The following ACAD10 variants were observed in gnomAD, a reference collection of about 807,000 sequenced individuals.
The protein encoded by ACAD10 is acyl-CoA dehydrogenase family member 10.
Under a neutral mutation model 116.8 loss-of-function variants are expected in ACAD10, and 112 were observed. The ratio of observed to expected loss-of-function variants is 0.96; its 90% CI spans 0.82 to 1.12. The LOEUF (loss-of-function observed/expected upper bound fraction) is 1.12. Among genes scored for constraint, ACAD10 ranks in the 50% most tolerant of loss-of-function variants. The pLI is 0.00. For synonymous variants in ACAD10, 486 were observed against 510.6 expected, an observed-to-expected ratio of 0.95 and a Z score of 0.65; for missense variants, 1,259 against 1,350.2, an observed-to-expected ratio of 0.93 and a Z score of 1.06.
At position 111,705,442 on chromosome 12, in the gene ACAD10, C is replaced by T. The variant is rs1326871839; in HGVS notation, c.337-296C>T. On this transcript the variant is annotated intron_variant, in intron 3 of 20. Coordinates refer to ENST00000313698, the MANE Select transcript of ACAD10 (RefSeq NM_025247.6). Reference sequence around the variant, plus strand: ...CTCACTTTGTTGCCCAGGCTGGTGTCAAAATCCTGAGCTCAAGCAGTCTTC... The same window carrying T: ...CTCACTTTGTTGCCCAGGCTGGTGTTAAAATCCTGAGCTCAAGCAGTCTTC... Among the ~76,000 whole-genome samples the T allele has an allele frequency of 2.0e-5, 3 of 152,060 alleles. No individual in the cohort carries two copies. In the East Asian group the frequency reaches 5.8e-4, roughly 29 times the overall value.
At chr12:111,749,130 A>G in intron 17 of ACAD10, 43 bp from the exon 18 acceptor site, 6 of 1,613,880 alleles carry the variant, frequency 3.7e-6, no homozygotes, top group South Asian at 1.1e-5. Context: ...TCCAAGGAAA[A>G]TGACTATGGC....
At chr12:111,749,395 G>C (rs1357323429) in intron 18 of ACAD10, 50 bp downstream of exon 18, 10 of 1,572,032 alleles carry the variant, frequency 6.4e-6, no homozygotes, top group Non-Finnish European at 8.6e-7. Flanking sequence ...ACCACCTTCT[G>C]CTTTGCTGTC....
chr12:111,742,863 C>T (rs74984793), intron 12 of ACAD10, among the ~76,000 whole-genome samples: 102 of 152,182 alleles, frequency 6.7e-4, no homozygotes, highest in East Asian at 3.1e-3. Context: ...GCGTGCATCA[C>T]CACACCTGGC....
intron 7 of ACAD10, among the ~76,000 whole-genome samples, chr12:111,718,036 CTTTTTTTTTTTTTTT>C (rs560344796): frequency 2.7e-4 from 17 of 63,684 alleles, no homozygotes; most frequent in African/African-American, 7.4e-4. Flanking sequence ...TAGTGATATC[CTTTTTTTTTTTTTTT>C]TTTTTTTTTT....
chr12:111,748,244 C>A (rs1889971145), intron 16 of ACAD10, 73 bp from the exon 17 acceptor site: 8 of 1,581,830 alleles, frequency 5.1e-6, no homozygotes, highest in Non-Finnish European at 6.9e-6. Flanking sequence ...TTTCTTGGGC[C>A]AGGACCACGT....
chr12:111,743,986 G>A (rs1186977494), intron 12 of ACAD10, among the ~76,000 whole-genome samples: 1 of 151,810 alleles, frequency 6.6e-6, no homozygotes, highest in Non-Finnish European at 1.5e-5. Flanking sequence ...GACCTCAAGT[G>A]ATCCGCCCAC....
At chr12:111,715,089 T>G (rs1343885456) in intron 6 of ACAD10, among the ~76,000 whole-genome samples, 2 of 152,182 alleles carry the variant, frequency 1.3e-5, no homozygotes, top group Non-Finnish European at 1.5e-5. Context: ...TGGAGTTTCA[T>G]GTTAGGATGT....
intron 17 of ACAD10, 91 bp from the exon 18 acceptor site, chr12:111,749,082 C>G (rs1358196446): frequency 6.2e-7 from 1 of 1,613,502 alleles, no homozygotes; most frequent in Non-Finnish European, 8.5e-7. Context: ...AGGGACATTG[C>G]CAGCAGATAA....
intron 2 of ACAD10, among the ~76,000 whole-genome samples, chr12:111,698,655 T>C (rs1750986776): frequency 6.6e-6 from 1 of 151,774 alleles, no homozygotes; most frequent in African/African-American, 2.4e-5. Context: ...TTTTGTATTT[T>C]TAGTAGAGAC....
intron 11 of ACAD10, 126 bp downstream of exon 11, chr12:111,734,194 G>T (rs1051650833): frequency 7.4e-7 from 1 of 1,343,772 alleles, no homozygotes; most frequent in African/African-American, 1.4e-5. Context: ...TGGTTCTGGT[G>T]GGAAACATAA....
intron 7 of ACAD10, among the ~76,000 whole-genome samples, chr12:111,718,174 C>G (rs1888905540): frequency 6.7e-6 from 1 of 148,978 alleles, no homozygotes; most frequent in South Asian, 2.2e-4. Context: ...CTTAGCCTCC[C>G]AAGTAACAGG....
At chr12:111,711,361 C>G (rs1483348467) in intron 5 of ACAD10, among the ~76,000 whole-genome samples, 1 of 148,132 alleles carries the variant, frequency 6.8e-6, no homozygotes, top group Admixed American at 6.8e-5. Flanking sequence ...CTACCACGCC[C>G]AGCTAATTTT....
chr12:111,693,013 C>T, intron 2 of ACAD10, 117 bp downstream of exon 2: 1 of 1,209,220 alleles, frequency 8.3e-7, no homozygotes, highest in East Asian at 2.5e-5. Context: ...AGGCCATGCT[C>T]TGGCTCTCGA....
At chr12:111,725,116 A>ATG (rs1163189224) in intron 8 of ACAD10, among the ~76,000 whole-genome samples, 2 of 152,148 alleles carry the variant, frequency 1.3e-5, no homozygotes, top group Admixed American at 6.6e-5. Flanking sequence ...TTTTCTGTAT[A>ATG]TGTGTGTGTG....
rs1046732328 is a variant in ACAD10 at position 111,753,793 on chromosome 12, G to A, written c.2839G>A (p.Gly947Arg). 9.3e-6 allele frequency: 15 copies of A among 1,614,008 alleles called. No homozygotes were observed. Among genetic ancestry groups the A allele is most frequent in the Non-Finnish European group, 1.3e-5 (15 of 1,180,040 alleles). ...ACAGGTGAAGTCCCGCTTGGCTTTT[G>A]GGAAGCCCCTGGTGGAGCAGGGCAC... ...KARVKSRLAF[G>R]KPLVEQGTVL... Residue 947 changes from glycine to arginine, a missense_variant, in exon 19 of 21, where the codon GGG becomes AGG. Coordinates refer to ENST00000313698, the MANE Select transcript of ACAD10 (RefSeq NM_025247.6).
At chr12:111,694,350 C>A (rs1043152675) in intron 2 of ACAD10, among the ~76,000 whole-genome samples, 17 of 152,112 alleles carry the variant, frequency 1.1e-4, no homozygotes, top group Non-Finnish European at 2.9e-5. Context: ...CTGCTCCTTA[C>A]CACCCCCAAA....
chr12:111,707,338 A>T (rs1476061102), intron 4 of ACAD10, among the ~76,000 whole-genome samples: 1 of 132,168 alleles, frequency 7.6e-6, no homozygotes, highest in Non-Finnish European at 1.6e-5. Flanking sequence ...TCAAGTGACC[A>T]ACCCACCTCA....
chr12:111,754,875 A>G (rs532068278), intron 19 of ACAD10, among the ~76,000 whole-genome samples: 1 of 152,334 alleles, frequency 6.6e-6, no homozygotes, highest in Admixed American at 6.5e-5. Context: ...AGACAGCCAC[A>G]TTCTGCCAGC....
intron 2 of ACAD10, among the ~76,000 whole-genome samples, chr12:111,700,412 T>C (rs1888314687): frequency 6.6e-6 from 1 of 152,214 alleles, no homozygotes; most frequent in Non-Finnish European, 1.5e-5. Context: ...TTCATAAATA[T>C]ATATGGAAGA....
Sources: allele counts gnomAD v4.1 joint callset (sites outside exome capture counted in the v4.1 genomes callset), GRCh38; gene constraint gnomAD v4.1.1; transcripts MANE v1.5; gene names NCBI Gene and HGNC (gene_info 2026-07-23, HGNC 2026-07-21).